OSBPL3: variants seen among roughly 807,000 people sequenced by gnomAD.
The protein encoded by OSBPL3 is oxysterol binding protein like 3, also known as oxysterol-binding protein-related protein 3.
A neutral mutation model predicts 120.1 loss-of-function variants in OSBPL3; 65 were observed. That is an observed-to-expected ratio of 0.54 (90% CI 0.44 to 0.67). OSBPL3 has a LOEUF of 0.67. OSBPL3 is among the 30% of genes least tolerant of loss of function. OSBPL3 has a pLI of 0.00. For missense variants in OSBPL3, 1,004 were observed against 1,082.1 expected (o/e 0.93, Z 1.01); for synonymous variants, 416 against 402.6 (o/e 1.03, Z -0.40).
In OSBPL3 at chr7:24,898,944, A is replaced by G. The variant is rs1806577124; in HGVS notation, c.-149-6323T>C. 6.6e-6 allele frequency among the ~76,000 whole-genome samples: 1 copy of G among 152,202 alleles called. No homozygotes were observed. Among genetic ancestry groups the G allele is most frequent in the South Asian group, 2.1e-4 (1 of 4,834 alleles). On this transcript the variant is annotated intron_variant, in intron 1 of 22. Coordinates refer to ENST00000313367, the MANE Select transcript of OSBPL3 (RefSeq NM_015550.4). This position sits in a 1 kb window ranked among gnomAD's most constrained non-coding sequence, Gnocchi z 4.3. ...TTTGTCATCATTTAGAGCTGAAATA[A>G]TGACTCACTATAATTTCATGCGCTG...
In OSBPL3 at chr7:24,820,941, T is replaced by G. The variant is rs1366452302; in HGVS notation, c.1885-703A>C. On this transcript the variant is annotated intron_variant, in intron 16 of 22. Coordinates refer to ENST00000313367, the MANE Select transcript of OSBPL3 (RefSeq NM_015550.4). The surrounding 1 kb of genome is among the most constrained non-coding windows in gnomAD (Gnocchi z 4.6). ...AGTAATCTCATTCCAGAAAAGAGAA[T>G]CCCCTGGAGCAGAGAGTGCCCTTTG... 2.6e-5 allele frequency among the ~76,000 whole-genome samples: 4 copies of G among 152,150 alleles called. No homozygotes were observed.
At chr7:24,960,823 C>A (rs112803494) in intron 1 of OSBPL3, among the ~76,000 whole-genome samples, 2,565 of 152,210 alleles carry the variant, frequency 0.017, 71 homozygotes, top group African/African-American at 0.059. Context: ...TGGTTTTGCA[C>A]AGAAGTATCA....
Position 24,955,200 on chromosome 7 carries a change from G to A in OSBPL3, c.-150+24686C>T, listed in dbSNP as rs1260723775. 1.3e-5 allele frequency among the ~76,000 whole-genome samples: 2 copies of A among 152,196 alleles called. No individual in the cohort carries two copies. Among genetic ancestry groups the A allele is most frequent in the African/African-American group, 4.8e-5 (2 of 41,448 alleles). On this transcript the variant is annotated intron_variant, in intron 1 of 22. Coordinates refer to ENST00000313367, the MANE Select transcript of OSBPL3 (RefSeq NM_015550.4). The surrounding 1 kb of genome is among the most constrained non-coding windows in gnomAD (Gnocchi z 4.3). ...AAAAAATTATTTTTGAATTAATAAAGTTATAGTTCAATCATTCATGAATTT... is the reference window on the plus strand; with the variant it reads ...AAAAAATTATTTTTGAATTAATAAAATTATAGTTCAATCATTCATGAATTT...
In OSBPL3 at chr7:24,879,401, G is replaced by T. The variant is rs985594686; in HGVS notation, c.97-7332C>A. Among the ~76,000 whole-genome samples the T allele has an allele frequency of 7.2e-5, 11 of 152,146 alleles. No homozygotes were observed. On this transcript the variant is annotated intron_variant, in intron 2 of 22. Transcript: ENST00000313367. The surrounding 1 kb of genome is among the most constrained non-coding windows in gnomAD (Gnocchi z 5.6). ...GGAGTAGCAGTCATCACCCGCCACC[G>T]TCACCATCCCTTCTTTCCCTTCACA...
At chr7:24,951,054 C>G (rs1814369917) in intron 1 of OSBPL3, among the ~76,000 whole-genome samples, 1 of 152,052 alleles carries the variant, frequency 6.6e-6, no homozygotes, top group South Asian at 2.1e-4. Flanking sequence ...ATTTAATATT[C>G]AAAACAACGA....
At chr7:24,865,926 C>T (rs1388772116) in intron 6 of OSBPL3, 144 bp downstream of exon 6, 3 of 647,422 alleles carry the variant, frequency 4.6e-6, no homozygotes, top group Non-Finnish European at 8.1e-6. Flanking sequence ...ACTCAGTGGG[C>T]AAACAGACTA....
intron 20 of OSBPL3, among the ~76,000 whole-genome samples, chr7:24,807,857 C>A (rs192883479): frequency 8.5e-5 from 13 of 152,286 alleles, no homozygotes; most frequent in African/African-American, 3.1e-4. Context: ...AAGCTCTTCA[C>A]ACATAACAAG....
intron 2 of OSBPL3, among the ~76,000 whole-genome samples, chr7:24,874,953 CTG>C (rs1278214874): frequency 3.9e-5 from 6 of 152,188 alleles, no homozygotes; most frequent in African/African-American, 1.4e-4. Context: ...CTCGGGGACA[CTG>C]TGGAATCCTG....
Position 24,873,462 on chromosome 7 carries a change from A to G in OSBPL3, c.97-1393T>C, listed in dbSNP as rs1306770575. Among the ~76,000 whole-genome samples the G allele has an allele frequency of 6.6e-6, 1 of 152,212 alleles. No individual in the cohort carries two copies. Among genetic ancestry groups the G allele is most frequent in the Non-Finnish European group, 1.5e-5 (1 of 68,030 alleles). On this transcript the variant is annotated intron_variant, in intron 2 of 22. Coordinates refer to ENST00000313367, the MANE Select transcript of OSBPL3 (RefSeq NM_015550.4). This position sits in a 1 kb window ranked among gnomAD's most constrained non-coding sequence, Gnocchi z 4.1. ...TCTATCTGATGGCACTTTACCATGA[A>G]TCCAATTAAAGGTACATTCCAGAGT...
At chr7:24,977,781 G>A (rs1306254718) in intron 1 of OSBPL3, among the ~76,000 whole-genome samples, 4 of 152,184 alleles carry the variant, frequency 2.6e-5, no homozygotes, top group Non-Finnish European at 4.4e-5. Flanking sequence ...GCATGAACCC[G>A]GGAGGCGGAG....
rs1242232318 is a variant in OSBPL3 at position 24,952,887 on chromosome 7, G to T, written c.-150+26999C>A. Among the ~76,000 whole-genome samples, 1 of 152,134 alleles carries T rather than the reference G, an allele frequency of 6.6e-6. No homozygotes were observed. Among genetic ancestry groups the T allele is most frequent in the East Asian group, 1.9e-4 (1 of 5,200 alleles). On this transcript the variant is annotated intron_variant, in intron 1 of 22. Coordinates refer to ENST00000313367, the MANE Select transcript of OSBPL3 (RefSeq NM_015550.4). This position sits in a 1 kb window ranked among gnomAD's most constrained non-coding sequence, Gnocchi z 4.4. Reference sequence around the variant, plus strand: ...GGGATGGCCAATGCCTGTAATCTCAGCACTTTAGGGGGCAGAGGTGGTAGG... The same window carrying T: ...GGGATGGCCAATGCCTGTAATCTCATCACTTTAGGGGGCAGAGGTGGTAGG...
At position 24,824,474 on chromosome 7, in the gene OSBPL3, A is replaced by AT. The variant is rs1795466609; in HGVS notation, c.1885-4237dup. Among the ~76,000 whole-genome samples, 2 of 152,208 alleles carry AT rather than the reference A, an allele frequency of 1.3e-5. No homozygotes were observed. Among genetic ancestry groups the AT allele is most frequent in the African/African-American group, 4.8e-5 (2 of 41,442 alleles). On this transcript the variant is annotated intron_variant, in intron 16 of 22. Transcript: ENST00000313367. This position sits in a 1 kb window ranked among gnomAD's most constrained non-coding sequence, Gnocchi z 4.9. ...TTCTCCCCTGCAACTGCTCCAAGGC[A>AT]TAACTATCCAGTCCTCCTAGGTCCT...
chr7:24,904,842 C>T (rs991134063), intron 1 of OSBPL3, among the ~76,000 whole-genome samples: 3 of 140,300 alleles, frequency 2.1e-5, no homozygotes, highest in African/African-American at 8.2e-5. Context: ...CTGTCAGGGG[C>T]TGGGGGGAGG....
intron 12 of OSBPL3, among the ~76,000 whole-genome samples, chr7:24,844,523 A>G (rs1458811277): frequency 3.3e-5 from 5 of 152,188 alleles, no homozygotes; most frequent in Non-Finnish European, 7.3e-5. Flanking sequence ...AAGGGAGGGA[A>G]AGGAACATTC....
chr7:24,810,230 T>G, intron 19 of OSBPL3: 1 of 276,036 alleles, frequency 3.6e-6, no homozygotes, highest in Non-Finnish European at 6.8e-6. Context: ...TGATAACACT[T>G]AACTCTCTCA....
chr7:24,839,500 G>C (rs1797426235), intron 14 of OSBPL3, among the ~76,000 whole-genome samples: 1 of 152,198 alleles, frequency 6.6e-6, no homozygotes, highest in African/African-American at 2.4e-5. Context: ...AGGATACCCT[G>C]ATGGGTCCGT....
At position 24,893,751 on chromosome 7, in the gene OSBPL3, G is replaced by T. The variant is rs546243456; in HGVS notation, c.-149-1130C>A. 3.9e-5 allele frequency among the ~76,000 whole-genome samples: 6 copies of T among 151,970 alleles called. No homozygotes were observed. In the East Asian group the frequency reaches 7.7e-4, roughly 20 times the overall value. On this transcript the variant is annotated intron_variant, in intron 1 of 22. Coordinates refer to ENST00000313367, the MANE Select transcript of OSBPL3 (RefSeq NM_015550.4). Reference sequence around the variant, plus strand: ...CGCTTGAAACCGGGCGGCGGGGCGGGGGGGACGGGGGGGTGGAGGCTGCAG... The same window carrying T: ...CGCTTGAAACCGGGCGGCGGGGCGGTGGGGACGGGGGGGTGGAGGCTGCAG...
rs73276259 is a variant in OSBPL3, at chr7:24,932,768, A to T, written c.-149-40147T>A. On this transcript the variant is annotated intron_variant, in intron 1 of 22. Transcript: ENST00000313367. This position sits in a 1 kb window ranked among gnomAD's most constrained non-coding sequence, Gnocchi z 5.6. Reference sequence around the variant, plus strand: ...CACCCAGTTTATGCTATTTTGTTAGAGCAGCCCAAATGGACTAAGACAGGG... The same window carrying T: ...CACCCAGTTTATGCTATTTTGTTAGTGCAGCCCAAATGGACTAAGACAGGG... Among the ~76,000 whole-genome samples, 1,313 of 152,354 alleles carry T rather than the reference A, an allele frequency of 8.6e-3. 11 individuals carry two copies. The highest frequency in any genetic ancestry group is 0.021 in the African/African-American group (871 of 41,588).
chr7:24,979,797 G>A (rs1319819006), intron 1 of OSBPL3, 89 bp downstream of exon 1: 3 of 678,348 alleles, frequency 4.4e-6, no homozygotes, highest in African/African-American at 2.0e-5. Context: ...GAACCGCGGC[G>A]CCCCGCAAAC....
Sources: allele counts gnomAD v4.1 joint callset (sites outside exome capture counted in the v4.1 genomes callset), GRCh38; gene constraint gnomAD v4.1.1; non-coding constraint Gnocchi (gnomAD v3.1); transcripts MANE v1.5; gene names NCBI Gene and HGNC (gene_info 2026-07-23, HGNC 2026-07-21).